The following MAD1L1 variants were observed in gnomAD, a reference collection of about 807,000 sequenced individuals.
MAD1L1 encodes the protein mitotic arrest deficient 1 like 1.
A neutral mutation model predicts 96.9 loss-of-function variants in MAD1L1; 95 were observed. The observed-to-expected ratio is 0.98, with a 90% CI of 0.83 to 1.16. The LOEUF is 1.16. Ranked by LOEUF, MAD1L1 falls within the 50% of genes most tolerant of loss-of-function variation. The pLI, the probability that MAD1L1 is intolerant of heterozygous loss-of-function variation, is 0.00. For synonymous variants in MAD1L1, 473 were observed against 396.6 expected, an observed-to-expected ratio of 1.19 and a Z score of -2.29; for missense variants, 1,007 against 954.4, an observed-to-expected ratio of 1.06 and a Z score of -0.73.
At chr7:1,979,510 C>T (rs1399903248) in intron 15 of MAD1L1, among the ~76,000 whole-genome samples, 1 of 152,276 alleles carries the variant, frequency 6.6e-6, no homozygotes, top group Non-Finnish European at 1.5e-5. Flanking sequence ...GCAGCGCCAA[C>T]ACAGGCACCA....
intron 16 of MAD1L1, among the ~76,000 whole-genome samples, chr7:1,952,876 A>G (rs1779563816): frequency 6.6e-6 from 1 of 152,246 alleles, no homozygotes; most frequent in Non-Finnish European, 1.5e-5. Flanking sequence ...TGCGTTACTA[A>G]GAGTCCAGCG....
At chr7:1,850,138 T>A (rs1395117522) in intron 18 of MAD1L1, among the ~76,000 whole-genome samples, 1 of 152,140 alleles carries the variant, frequency 6.6e-6, no homozygotes, top group East Asian at 1.9e-4. Context: ...TGGTTGTGGG[T>A]GAGCGGCGGC....
intron 10 of MAD1L1, among the ~76,000 whole-genome samples, chr7:2,198,290 G>C (rs1792097739): frequency 2.0e-5 from 3 of 152,096 alleles, no homozygotes; most frequent in Admixed American, 6.5e-5. Context: ...GCCAGCAGGA[G>C]CTGACCAGCC....
At chr7:2,189,615 G>A (rs1336198295) in intron 10 of MAD1L1, among the ~76,000 whole-genome samples, 1 of 152,198 alleles carries the variant, frequency 6.6e-6, no homozygotes, top group African/African-American at 2.4e-5. Flanking sequence ...GAGGCAGGAA[G>A]CAGAATGGTG....
intron 15 of MAD1L1, among the ~76,000 whole-genome samples, chr7:1,974,594 A>C (rs1431240667): frequency 6.6e-6 from 1 of 152,274 alleles, no homozygotes; most frequent in Non-Finnish European, 1.5e-5. Context: ...CTGAGAAAAT[A>C]CAGAAGGTAG....
At chr7:1,919,674 C>A (rs2088984726) in intron 17 of MAD1L1, among the ~76,000 whole-genome samples, 1 of 152,250 alleles carries the variant, frequency 6.6e-6, no homozygotes, top group Non-Finnish European at 1.5e-5. Context: ...TATAAACACA[C>A]CCTCCACAAT....
chr7:2,168,059 T>C (rs1056772362), intron 10 of MAD1L1, among the ~76,000 whole-genome samples: 3 of 151,814 alleles, frequency 2.0e-5, no homozygotes, highest in African/African-American at 7.3e-5. Flanking sequence ...CCGAGGCGGG[T>C]GGATCACTTG....
chr7:1,950,788 G>A (rs1269181153), intron 16 of MAD1L1, among the ~76,000 whole-genome samples: 1 of 152,222 alleles, frequency 6.6e-6, no homozygotes, highest in Non-Finnish European at 1.5e-5. Flanking sequence ...ACGTGGGCAA[G>A]TGGGGGATGA....
intron 11 of MAD1L1, among the ~76,000 whole-genome samples, chr7:2,117,192 C>T (rs895801935): frequency 5.9e-5 from 9 of 152,202 alleles, no homozygotes; most frequent in Admixed American, 6.5e-5. Context: ...AACAGTCTAG[C>T]GGGCCCTGGG....
At chr7:2,033,744 GA>G (rs1219027156) in intron 12 of MAD1L1, among the ~76,000 whole-genome samples, 2 of 152,236 alleles carry the variant, frequency 1.3e-5, no homozygotes, top group African/African-American at 4.8e-5. Context: ...GGCGCTTCTG[GA>G]AAACGAGTCA....
intron 16 of MAD1L1, among the ~76,000 whole-genome samples, chr7:1,954,155 G>T (rs888755545): frequency 6.6e-6 from 1 of 152,202 alleles, no homozygotes; most frequent in African/African-American, 2.4e-5. Flanking sequence ...TGTCTTGGAG[G>T]TAAGGACGAC....
At chr7:2,197,080 C>T (rs1481694198) in intron 10 of MAD1L1, among the ~76,000 whole-genome samples, 1 of 152,212 alleles carries the variant, frequency 6.6e-6, no homozygotes, top group Non-Finnish European at 1.5e-5. Flanking sequence ...AGGACGCGGT[C>T]CAAACCACCC....
chr7:2,183,093 ACACCTGTAT>A (rs1179481654), intron 10 of MAD1L1, among the ~76,000 whole-genome samples: 1 of 151,908 alleles, frequency 6.6e-6, no homozygotes, highest in Non-Finnish European at 1.5e-5. Flanking sequence ...GTGGTGGCTC[ACACCTGTAT>A]TCCAAGCTAC....
chr7:1,972,539 T>C (rs780956195), intron 15 of MAD1L1, among the ~76,000 whole-genome samples: 5 of 152,180 alleles, frequency 3.3e-5, no homozygotes, highest in Non-Finnish European at 5.9e-5. Flanking sequence ...ATTGCTGATA[T>C]TGATGATTTT....
chr7:2,172,533 T>C (rs1053403373), intron 10 of MAD1L1, among the ~76,000 whole-genome samples: 4 of 152,174 alleles, frequency 2.6e-5, no homozygotes, highest in Non-Finnish European at 5.9e-5. Flanking sequence ...GCCTGCACCG[T>C]GTGCTTCCCA....
chr7:1,911,923 G>A (rs1046443679), intron 17 of MAD1L1, among the ~76,000 whole-genome samples: 2 of 152,248 alleles, frequency 1.3e-5, no homozygotes, highest in Admixed American at 1.3e-4. Flanking sequence ...CTGCCTGAAG[G>A]CAGGGGCTGG....
At chr7:1,865,172 G>A (rs575816347) in intron 18 of MAD1L1, among the ~76,000 whole-genome samples, 3 of 152,274 alleles carry the variant, frequency 2.0e-5, no homozygotes, top group Non-Finnish European at 2.9e-5. Context: ...TGCGTGAGGC[G>A]TGCACAAGCA....
intron 15 of MAD1L1, among the ~76,000 whole-genome samples, chr7:1,970,096 A>G (rs1016297829): frequency 1.2e-4 from 18 of 152,210 alleles, no homozygotes; most frequent in Non-Finnish European, 2.2e-4. Flanking sequence ...GAAAGGAGCC[A>G]GTCTCAAAAG....
intron 10 of MAD1L1, among the ~76,000 whole-genome samples, chr7:2,155,022 G>A (rs1000009541): frequency 4.6e-5 from 7 of 152,166 alleles, no homozygotes; most frequent in Non-Finnish European, 1.0e-4. Context: ...GTCCACAGGG[G>A]TGGACTGTGA....
Sources: gnomAD v4.1 joint callset for allele counts (sites outside exome capture counted in the v4.1 genomes callset) on GRCh38, gnomAD v4.1.1 for gene constraint, MANE v1.5 for transcripts, NCBI Gene and HGNC (gene_info 2026-07-23, HGNC 2026-07-21) for gene names.